The following CRKL variants were observed in gnomAD, a reference collection of about 807,000 sequenced individuals.
CRKL encodes the protein CRK like proto-oncogene, adaptor protein, also known as crk-like protein.
CRKL carries 3 observed loss-of-function variants against 23.0 expected under a neutral mutation model. The ratio of observed to expected loss-of-function variants is 0.13; its 90% CI spans 0.06 to 0.34. The LOEUF is 0.34. CRKL is among the 10% of genes least tolerant of loss of function. CRKL has a pLI of 1.00. For missense variants in CRKL, 256 were observed against 394.5 expected, an observed-to-expected ratio of 0.65 and a Z score of 2.97; for synonymous variants, 188 against 160.7, an observed-to-expected ratio of 1.17 and a Z score of -1.28.
At position 20,917,488 on chromosome 22, in the gene CRKL, A is replaced by C; in HGVS notation, c.-447A>C. 2 of 239,880 alleles carry C rather than the reference A, an allele frequency of 8.3e-6. No homozygotes were observed. The highest frequency in any genetic ancestry group is 1.6e-5 in the Non-Finnish European group (2 of 122,866). The allele number at this position is 239,880 out of a possible 1,614,324, so 14.9% of individuals were successfully genotyped here. On this transcript the variant is annotated 5_prime_UTR_variant, in exon 1 of 3. Coordinates refer to ENST00000354336, the MANE Select transcript of CRKL (RefSeq NM_005207.4). ...CATTTTGTTGCTGTGGCTATTGGGA[A>C]CAAGCTGGGCAAAAGCACCCCGGAG...
rs186271915 is a variant in CRKL at position 20,953,284 on chromosome 22, C to T, written c.*3439C>T. 285 of 231,482 alleles carry T rather than the reference C, an allele frequency of 1.2e-3. 3 individuals are homozygous for T. Among genetic ancestry groups the T allele is most frequent in the African/African-American group, 5.9e-3 (269 of 45,292 alleles). The allele number at this position is 231,482 out of a possible 1,614,324, so 14.3% of individuals were successfully genotyped here. A position where few individuals can be genotyped will look rare whatever the true frequency, so the allele number is the denominator to read the frequency against. On this transcript the variant is annotated 3_prime_UTR_variant, in exon 3 of 3. Coordinates refer to ENST00000354336, the MANE Select transcript of CRKL (RefSeq NM_005207.4). ...CCTCTGCGACCGGAGGACTATGCCC[C>T]TAGTAACTGCTGTCGGTGTGGACGC...
chr22:20,937,223 C>T (rs1344480064), intron 2 of CRKL, among the ~76,000 whole-genome samples: 1 of 152,192 alleles, frequency 6.6e-6, no homozygotes, highest in Non-Finnish European at 1.5e-5. Context: ...CTGGTCTATG[C>T]CTCAGCACCT....
chr22:20,950,410 G>C lies in CRKL; in HGVS notation c.*565G>C, dbSNP rs187614589. On this transcript the variant is annotated 3_prime_UTR_variant, in exon 3 of 3. Transcript: ENST00000354336. ...TGGGGGTTTTTTTTTGTTTTGTTTTGTTTGTTTTGTTTTGTTTTTTTGAGA... is the reference window on the plus strand; with the variant it reads ...TGGGGGTTTTTTTTTGTTTTGTTTTCTTTGTTTTGTTTTGTTTTTTTGAGA... 4 of 229,092 alleles carry C rather than the reference G, an allele frequency of 1.7e-5. No individual in the cohort carries two copies. The highest frequency in any genetic ancestry group is 9.1e-5 in the African/African-American group (4 of 44,062). 14.2% of individuals were successfully genotyped at this position (229,092 alleles called of 1,614,324 possible). A position where few individuals can be genotyped will look rare whatever the true frequency, so the allele number is the denominator to read the frequency against.
chr22:20,946,234 C>T (rs1922048649), intron 2 of CRKL, among the ~76,000 whole-genome samples: 1 of 152,148 alleles, frequency 6.6e-6, no homozygotes, highest in African/African-American at 2.4e-5. Flanking sequence ...CCCTCCAGTG[C>T]GTTGACTGCT....
At chr22:20,937,172 C>G (rs1371758943) in intron 2 of CRKL, among the ~76,000 whole-genome samples, 1 of 152,176 alleles carries the variant, frequency 6.6e-6, no homozygotes, top group Non-Finnish European at 1.5e-5. Context: ...GCTTTCTCAC[C>G]CACACACAGA....
intron 1 of CRKL, among the ~76,000 whole-genome samples, chr22:20,929,260 G>A (rs1213649650): frequency 6.6e-6 from 1 of 151,932 alleles, no homozygotes; most frequent in Non-Finnish European, 1.5e-5. Flanking sequence ...TGCCTCCCGG[G>A]TTCACACCAT....
At chr22:20,918,362 T>G (rs1601670127) in intron 1 of CRKL, 117 bp downstream of exon 1, 1 of 1,198,018 alleles carries the variant, frequency 8.3e-7, no homozygotes, top group East Asian at 2.6e-5. Flanking sequence ...CTGAACCAAA[T>G]TATTTTCCAG....
At chr22:20,931,807 A>T (rs1334851786) in intron 1 of CRKL, among the ~76,000 whole-genome samples, 2 of 151,680 alleles carry the variant, frequency 1.3e-5, no homozygotes, top group Non-Finnish European at 2.9e-5. Flanking sequence ...TTTTATTTTT[A>T]TTTTATTTTA....
chr22:20,943,222 G>A lies in CRKL; in HGVS notation c.778-6489G>A, dbSNP rs544000746. Among the ~76,000 whole-genome samples the A allele has an allele frequency of 7.2e-5, 11 of 152,082 alleles. No individual in the cohort carries two copies. The East Asian group carries it at 7.7e-4, about 11-fold the overall frequency. On this transcript the variant is annotated intron_variant, in intron 2 of 2. Transcript: ENST00000354336. ...CATTTTTTAATTGGGTTATTTGAGC[G>A]TTTTTGTTTTTTATTTTGTTTTATA...
chr22:20,952,206 C>T lies in CRKL; in HGVS notation c.*2361C>T, dbSNP rs185457677. 2 of 228,538 alleles carry T rather than the reference C, an allele frequency of 8.8e-6. No individual in the cohort carries two copies. Among genetic ancestry groups the T allele is most frequent in the Non-Finnish European group, 1.7e-5 (2 of 116,066 alleles). The allele number at this position is 228,538 out of a possible 1,614,324, so 14.2% of individuals were successfully genotyped here. A position where few individuals can be genotyped will look rare whatever the true frequency, so the allele number is the denominator to read the frequency against. ...TGAAGGGCTTGACACCTTTGAATTA[C>T]AGCAGTTGACTCAGAGTGCAAGAAG... On this transcript the variant is annotated 3_prime_UTR_variant, in exon 3 of 3. Transcript: ENST00000354336.
intron 1 of CRKL, among the ~76,000 whole-genome samples, chr22:20,919,194 A>G (rs745611804): frequency 1.3e-5 from 2 of 152,110 alleles, no homozygotes; most frequent in Non-Finnish European, 2.9e-5. Flanking sequence ...CAGGCCAGAC[A>G]CCACCACTTT....
chr22:20,925,432 C>T (rs928814166), intron 1 of CRKL, among the ~76,000 whole-genome samples: 1 of 152,150 alleles, frequency 6.6e-6, no homozygotes, highest in Non-Finnish European at 1.5e-5. Context: ...GAGACTGAAC[C>T]TGGGAGGCAG....
chr22:20,941,148 C>T (rs945081772), intron 2 of CRKL, among the ~76,000 whole-genome samples: 2 of 152,054 alleles, frequency 1.3e-5, no homozygotes, highest in Non-Finnish European at 2.9e-5. Context: ...CCTCACCTCA[C>T]GTCACATTCT....
At chr22:20,930,675 C>T (rs1245971714) in intron 1 of CRKL, among the ~76,000 whole-genome samples, 1 of 140,624 alleles carries the variant, frequency 7.1e-6, no homozygotes, top group Non-Finnish European at 1.5e-5. Flanking sequence ...CCACCACACG[C>T]CTGGCTTTTT....
chr22:20,950,029 G>T lies in CRKL; in HGVS notation c.*184G>T. ...GCTGCCTCCTGATGTTTGTATCATA[G>T]TCGTATTGTCAAAGAGTAGCCGATT... On this transcript the variant is annotated 3_prime_UTR_variant, in exon 3 of 3. Transcript: ENST00000354336. 1 of 717,202 alleles carries T rather than the reference G, an allele frequency of 1.4e-6. No homozygotes were observed. Among genetic ancestry groups the T allele is most frequent in the Non-Finnish European group, 2.2e-6 (1 of 460,144 alleles). 44.4% of individuals were successfully genotyped at this position (717,202 alleles called of 1,614,324 possible).
At chr22:20,948,612 C>T (rs1486751523) in intron 2 of CRKL, among the ~76,000 whole-genome samples, 2 of 152,148 alleles carry the variant, frequency 1.3e-5, no homozygotes, top group Admixed American at 6.5e-5. Context: ...TGTTTGGTGT[C>T]CTGCATGCTC....
At chr22:20,928,800 G>A (rs1314801096) in intron 1 of CRKL, among the ~76,000 whole-genome samples, 1 of 109,772 alleles carries the variant, frequency 9.1e-6, no homozygotes, top group African/African-American at 3.9e-5. Context: ...GCAACAGAAC[G>A]AGATCCCATC....
At position 20,950,460 on chromosome 22, in the gene CRKL, C is replaced by G. The variant is rs937089856; in HGVS notation, c.*615C>G. Reference sequence around the variant, plus strand: ...ACGGTGTCTCGCTGCATCACCCAGGCTGGAGTGCAGTGGCGCAATCTCGCC... The same window carrying G: ...ACGGTGTCTCGCTGCATCACCCAGGGTGGAGTGCAGTGGCGCAATCTCGCC... On this transcript the variant is annotated 3_prime_UTR_variant, in exon 3 of 3. Coordinates refer to ENST00000354336, the MANE Select transcript of CRKL (RefSeq NM_005207.4). 2.2e-5 allele frequency: 5 copies of G among 232,352 alleles called. No individual in the cohort carries two copies. Among genetic ancestry groups the G allele is most frequent in the Non-Finnish European group, 4.3e-5 (5 of 117,646 alleles). The allele number at this position is 232,352 out of a possible 1,614,324, so 14.4% of individuals were successfully genotyped here. A position where few individuals can be genotyped will look rare whatever the true frequency, so the allele number is the denominator to read the frequency against.
intron 2 of CRKL, among the ~76,000 whole-genome samples, chr22:20,937,098 C>T (rs955635718): frequency 1.3e-5 from 2 of 151,904 alleles, no homozygotes; most frequent in African/African-American, 2.4e-5. Flanking sequence ...ATCATCTGCC[C>T]GCCTCAGCCT....
Sources: allele counts gnomAD v4.1 joint callset (sites outside exome capture counted in the v4.1 genomes callset), GRCh38; gene constraint gnomAD v4.1.1; transcripts MANE v1.5; gene names NCBI Gene and HGNC (gene_info 2026-07-23, HGNC 2026-07-21).